EFCAB6: variants seen among roughly 807,000 people sequenced by gnomAD.
EFCAB6 encodes EF-hand calcium-binding domain-containing protein 6.
A neutral mutation model predicts 169.8 loss-of-function variants in EFCAB6; 156 were observed. The ratio of observed to expected loss-of-function variants is 0.92; its 90% CI spans 0.81 to 1.05. The LOEUF is 1.05. Ranked by LOEUF, EFCAB6 falls within the 50% of genes least tolerant of loss-of-function variation. The pLI is 0.00. For synonymous variants in EFCAB6, 698 were observed against 676.4 expected, an observed-to-expected ratio of 1.03 and a Z score of -0.50; for missense variants, 1,800 against 1,829.1, an observed-to-expected ratio of 0.98 and a Z score of 0.29.
chr22:43,554,785 C>A, intron 27 of EFCAB6, 84 bp downstream of exon 27: 1 of 1,217,704 alleles, frequency 8.2e-7, no homozygotes, highest in South Asian at 1.3e-5. Context: ...AGAGAACAGT[C>A]TTAAACTCTG....
At chr22:43,634,831 T>C (rs1164903878) in intron 18 of EFCAB6, among the ~76,000 whole-genome samples, 1 of 152,192 alleles carries the variant, frequency 6.6e-6, no homozygotes, top group Non-Finnish European at 1.5e-5. Context: ...TGAGGTGTGA[T>C]TGAAGAAACA....
At chr22:43,794,413 G>A (rs943477781) in intron 2 of EFCAB6, among the ~76,000 whole-genome samples, 1 of 152,170 alleles carries the variant, frequency 6.6e-6, no homozygotes, top group Non-Finnish European at 1.5e-5. Flanking sequence ...CAGTAACAGT[G>A]AAGCCAAGAC....
chr22:43,728,521 C>T (rs1199981774), intron 8 of EFCAB6, among the ~76,000 whole-genome samples: 1 of 152,202 alleles, frequency 6.6e-6, no homozygotes, highest in East Asian at 1.9e-4. Flanking sequence ...AACTTACACT[C>T]CCACCAACAG....
chr22:43,649,751 T>C (rs73887372), intron 17 of EFCAB6, among the ~76,000 whole-genome samples: 5,720 of 151,726 alleles, frequency 0.038, 359 homozygotes, highest in African/African-American at 0.13. Context: ...GTTTGAAGCA[T>C]AAGAGAGCTG....
intron 23 of EFCAB6, among the ~76,000 whole-genome samples, chr22:43,599,509 C>CAAAAAAAAAAA (rs58130994): frequency 1.4e-4 from 6 of 44,240 alleles, no homozygotes; most frequent in African/African-American, 3.6e-4. Context: ...GATTCCATCT[C>CAAAAAAAAAAA]AAAAAAAAAA....
intron 17 of EFCAB6, among the ~76,000 whole-genome samples, chr22:43,654,179 TTGAG>T (rs1602989273): frequency 1.3e-5 from 2 of 152,080 alleles, no homozygotes; most frequent in South Asian, 2.1e-4. Context: ...GAATAAATGG[TTGAG>T]TAAGTTAGTA....
chr22:43,547,900 G>C (rs920862186), intron 27 of EFCAB6, among the ~76,000 whole-genome samples: 1 of 152,052 alleles, frequency 6.6e-6, no homozygotes, highest in African/African-American at 2.4e-5. Context: ...GACCATCCTG[G>C]CTAACATGGT....
At chr22:43,637,753 C>A (rs890088230) in intron 17 of EFCAB6, among the ~76,000 whole-genome samples, 11 of 152,258 alleles carry the variant, frequency 7.2e-5, no homozygotes, top group Non-Finnish European at 1.5e-5. Context: ...TGCAGAGGAG[C>A]CTGTCCCAGC....
At chr22:43,563,458 G>A (rs1436866492) in intron 26 of EFCAB6, among the ~76,000 whole-genome samples, 1 of 152,160 alleles carries the variant, frequency 6.6e-6, no homozygotes, top group Non-Finnish European at 1.5e-5. Context: ...TTAGCTACTT[G>A]GGAGGCTGAG....
At chr22:43,711,325 T>G (rs550259894) in intron 10 of EFCAB6, 150 bp downstream of exon 10, 1 of 775,408 alleles carries the variant, frequency 1.3e-6, no homozygotes, top group Non-Finnish European at 1.8e-6. Context: ...ATTCATGGAT[T>G]TACTATATTA....
chr22:43,763,822 A>G (rs2061243031), intron 5 of EFCAB6, among the ~76,000 whole-genome samples: 1 of 151,844 alleles, frequency 6.6e-6, no homozygotes, highest in Non-Finnish European at 1.5e-5. Flanking sequence ...CCCAGGCTGG[A>G]GTGCAGTGGC....
intron 6 of EFCAB6, among the ~76,000 whole-genome samples, chr22:43,748,626 T>C (rs1035038383): frequency 6.6e-6 from 1 of 152,178 alleles, no homozygotes; most frequent in African/African-American, 2.4e-5. Flanking sequence ...AATTATTTAC[T>C]GAGTGTATAT....
intron 7 of EFCAB6, among the ~76,000 whole-genome samples, chr22:43,735,327 TGCCGCACACCCCACC>T (rs2060093146): frequency 6.7e-6 from 1 of 148,430 alleles, no homozygotes; most frequent in Non-Finnish European, 1.5e-5. Flanking sequence ...CCCACCCTCC[TGCCGCACACCCCACC>T]CTCCTGCCGC....
At chr22:43,567,756 A>G (rs2049540860) in intron 26 of EFCAB6, among the ~76,000 whole-genome samples, 1 of 152,068 alleles carries the variant, frequency 6.6e-6, no homozygotes, top group South Asian at 2.1e-4. Context: ...TCCTTTACCC[A>G]GGCACTGAGC....
At chr22:43,718,092 G>A (rs1411575352) in intron 8 of EFCAB6, among the ~76,000 whole-genome samples, 3 of 123,786 alleles carry the variant, frequency 2.4e-5, no homozygotes, top group African/African-American at 3.6e-5. Context: ...ATCCATGTAA[G>A]TACCAGAAAC....
At chr22:43,718,158 A>G (rs2059400848) in intron 8 of EFCAB6, among the ~76,000 whole-genome samples, 1 of 152,184 alleles carries the variant, frequency 6.6e-6, no homozygotes, top group Admixed American at 6.5e-5. Flanking sequence ...CAGGTAGTAG[A>G]ATTATACGGG....
At chr22:43,732,469 T>TTC in intron 7 of EFCAB6, among the ~76,000 whole-genome samples, 1 of 149,296 alleles carries the variant, frequency 6.7e-6, no homozygotes, top group Non-Finnish European at 1.5e-5. Context: ...GAAATACTTT[T>TTC]TTTTTTTTTT....
intron 17 of EFCAB6, among the ~76,000 whole-genome samples, chr22:43,649,054 G>A (rs1334953988): frequency 6.6e-6 from 1 of 152,154 alleles, no homozygotes; most frequent in African/African-American, 2.4e-5. Context: ...AAGAGCTTTG[G>A]GAGCTGGGAG....
At chr22:43,782,015 T>A (rs2061837758) in intron 3 of EFCAB6, among the ~76,000 whole-genome samples, 165 bp downstream of exon 3, 1 of 152,216 alleles carries the variant, frequency 6.6e-6, no homozygotes, top group South Asian at 2.1e-4. Context: ...TCAATCTGTG[T>A]CCCAATTTCC....
Sources: gnomAD v4.1 joint callset for allele counts (sites outside exome capture counted in the v4.1 genomes callset) on GRCh38, gnomAD v4.1.1 for gene constraint, MANE v1.5 for transcripts, NCBI Gene and HGNC (gene_info 2026-07-23, HGNC 2026-07-21) for gene names.